FAM53A: variants seen among roughly 807,000 people sequenced by gnomAD.
The protein encoded by FAM53A is family with sequence similarity 53 member A.
FAM53A carries 28 observed loss-of-function variants against 26.6 expected under a neutral mutation model. The observed-to-expected ratio is 1.05, with a 90% CI of 0.78 to 1.45. The LOEUF (loss-of-function observed/expected upper bound fraction) is 1.45. FAM53A is among the 40% of genes most tolerant of loss of function. The pLI, the probability that FAM53A is intolerant of heterozygous loss-of-function variation, is 0.00. For missense variants in FAM53A, 650 were observed against 575.8 expected (o/e 1.13, Z -1.32); for synonymous variants, 290 against 253.1 (o/e 1.15, Z -1.38).
the FAM53A span, among the ~76,000 whole-genome samples, chr4:1,605,672 G>A: frequency 1.3e-5 from 2 of 152,086 alleles, no homozygotes; most frequent in Non-Finnish European, 1.5e-5. This position sits in a 1 kb window ranked among gnomAD's most constrained non-coding sequence, Gnocchi z 5.7. Flanking sequence ...GCTCCCTGCC[G>A]ACCCTGCAGG....
intron 1 of FAM53A, among the ~76,000 whole-genome samples, chr4:1,633,605 A>C (rs964770788): frequency 3.3e-5 from 5 of 152,168 alleles, no homozygotes; most frequent in African/African-American, 1.2e-4. Context: ...AATTGGAAAC[A>C]AGAAGAATGG....
intron 1 of FAM53A, among the ~76,000 whole-genome samples, chr4:1,620,015 C>T (rs188592207): frequency 6.6e-6 from 1 of 151,678 alleles, no homozygotes; most frequent in East Asian, 1.9e-4. Flanking sequence ...CGAGACCAGC[C>T]TGGCCAATAT....
chr4:1,670,649 A>G (rs140365639), intron 1 of FAM53A, among the ~76,000 whole-genome samples: 1,589 of 152,158 alleles, frequency 0.01, 31 homozygotes, highest in African/African-American at 0.036. Context: ...TCCAGCCCAC[A>G]GCCAAGAACC....
chr4:1,682,667 G>A (rs1577166208), intron 1 of FAM53A, among the ~76,000 whole-genome samples: 1 of 151,774 alleles, frequency 6.6e-6, no homozygotes, highest in Non-Finnish European at 1.5e-5. Context: ...GTACTCTCTC[G>A]GATTAGAGCC....
At chr4:1,580,374 A>C in the FAM53A span, 7,373 of 152,292 alleles carry the variant, frequency 0.048, 565 homozygotes, top group African/African-American at 0.17. Context: ...CCCGCGGGCC[A>C]CCAGTGTGGC....
In FAM53A at chr4:1,655,193, A is replaced by C. The variant is rs751109398; in HGVS notation, c.667T>G (p.Ser223Ala). 1.9e-6 allele frequency: 3 copies of C among 1,563,088 alleles called. No individual in the cohort carries two copies. The highest frequency in any genetic ancestry group is 2.3e-5 in the South Asian group (2 of 85,884). Residue 223 changes from serine (S) to alanine (A), a missense_variant, in exon 4 of 5, where the codon TCC becomes GCC. Ser to Ala is a moderately conservative substitution (Grantham distance 99). Coordinates refer to ENST00000308132, the MANE Select transcript of FAM53A (RefSeq NM_001174070.3). Reference protein sequence around the residue: ...SCLPSTRRRPSLSQERLAGAG... With the variant: ...SCLPSTRRRPALSQERLAGAG... The stretch of plus-strand genomic sequence containing the variant: ...CCCGCGAGTCGCTCCTGTGAGAGGG[A>C]CGGGCGGCGCCTCGTGGAGGGCAAG...
At chr4:1,616,751 T>C (rs1444647803), downstream of FAM53A, among the ~76,000 whole-genome samples, 1 of 152,238 alleles carries the variant, frequency 6.6e-6, no homozygotes, top group African/African-American at 2.4e-5. Flanking sequence ...CTTCGGTCTG[T>C]CCCGCGGAGA....
chr4:1,670,379 C>G (rs1057412617), intron 1 of FAM53A, among the ~76,000 whole-genome samples: 4 of 152,252 alleles, frequency 2.6e-5, no homozygotes, highest in Admixed American at 2.0e-4. Flanking sequence ...GCGACGCGCA[C>G]AGTGGGCCAC....
In FAM53A at chr4:1,644,453, G is replaced by A. The variant is rs143431160; in HGVS notation, c.883-2846C>T. Reference sequence around the variant, plus strand: ...GCTGTACAGCTCAGCGCCCAACAGCGCTAGCGAAGGCCACACGGAACTGAA... The same window carrying A: ...GCTGTACAGCTCAGCGCCCAACAGCACTAGCGAAGGCCACACGGAACTGAA... On this transcript the variant is annotated intron_variant, in intron 4 of 4. Coordinates refer to ENST00000308132, the MANE Select transcript of FAM53A (RefSeq NM_001174070.3). 2.4e-3 allele frequency: 3,248 copies of A among 1,343,498 alleles called. 54 individuals are homozygous for A. In the African/African-American group the frequency reaches 0.04, roughly 16 times the overall value. The allele number at this position is 1,343,498 out of a possible 1,614,324, so 83.2% of individuals were successfully genotyped here.
chr4:1,632,733 C>T (rs541718422), intron 1 of FAM53A, among the ~76,000 whole-genome samples: 1 of 152,374 alleles, frequency 6.6e-6, no homozygotes, highest in Admixed American at 6.5e-5. Context: ...CCTGTGTATA[C>T]ACACCACGCA....
the FAM53A span, among the ~76,000 whole-genome samples, chr4:1,575,826 A>C: frequency 6.6e-6 from 1 of 152,010 alleles, no homozygotes; most frequent in African/African-American, 2.4e-5. Context: ...GAGGCCTGAT[A>C]AGGGGTGGGA....
rs748474304 is a variant in FAM53A at position 1,668,564 on chromosome 4, G to T, written c.75+103C>A. On this transcript the variant is annotated intron_variant, in intron 2 of 4. Coordinates refer to ENST00000308132, the MANE Select transcript of FAM53A (RefSeq NM_001174070.3). The stretch of plus-strand genomic sequence containing the variant: ...TCCCTGGCCCAGCAGGGCCCCCCAG[G>T]CCCCTGAGAACTTAGCCCTCACCTC... The T allele has an allele frequency of 1.3e-5, 17 of 1,350,172 alleles. No homozygotes were observed. In the East Asian group the frequency reaches 1.6e-4, roughly 13 times the overall value. The allele number at this position is 1,350,172 out of a possible 1,614,324, so 83.6% of individuals were successfully genotyped here.
intron 2 of FAM53A, among the ~76,000 whole-genome samples, chr4:1,667,326 G>A (rs113595823): frequency 0.019 from 2,834 of 152,144 alleles, 43 homozygotes; most frequent in Admixed American, 0.04. Flanking sequence ...AATGAGAACC[G>A]GCCACAGCAT....
the FAM53A span, among the ~76,000 whole-genome samples, chr4:1,580,422 C>A: frequency 1.1e-4 from 17 of 152,192 alleles, no homozygotes; most frequent in African/African-American, 4.1e-4. Flanking sequence ...CAGCTCAGAG[C>A]TGAGATCTAA....
chr4:1,641,351 T>C lies in FAM53A; in HGVS notation c.1139A>G (p.Glu380Gly), dbSNP rs1409597881. ...CCAGCGGGCCCGGGGGAAGACGCCCTCCTCCCCGACACTGTCCCCATCACG... is the reference window on the plus strand; with the variant it reads ...CCAGCGGGCCCGGGGGAAGACGCCCCCCTCCCCGACACTGTCCCCATCACG... ...DPRDGDSVGE[E>G]GVFPRARWEL... is the part of the protein sequence containing the mutation. The change falls in exon 5 of 5, where the codon GAG (glutamate) becomes GGG (glycine). Residue 380 changes from glutamate to glycine, a missense_variant. Glu to Gly is a moderately conservative substitution (Grantham distance 98, BLOSUM62 -2). Transcript: ENST00000308132. The C allele has an allele frequency of 6.2e-7, 1 of 1,610,768 alleles. No homozygotes were observed. The highest frequency in any genetic ancestry group is 8.5e-7 in the Non-Finnish European group (1 of 1,179,194).
rs1711551111 is a variant in FAM53A at position 1,640,265 on chromosome 4, T to C, written c.*1028A>G. On this transcript the variant is annotated 3_prime_UTR_variant, in exon 5 of 5. Transcript: ENST00000308132. Reference sequence around the variant, plus strand: ...AAACCAGGCGGCCACAAGCTGGCGGTTCACTGGCACGTGGGTGACAAGGTT... The same window carrying C: ...AAACCAGGCGGCCACAAGCTGGCGGCTCACTGGCACGTGGGTGACAAGGTT... 2 of 174,344 alleles carry C rather than the reference T, an allele frequency of 1.1e-5. No individual in the cohort carries two copies. The highest frequency in any genetic ancestry group is 1.3e-4 in the Admixed American group (2 of 15,368). 10.8% of individuals were successfully genotyped at this position (174,344 alleles called of 1,614,324 possible).
At chr4:1,581,691 GT>G in the FAM53A span, among the ~76,000 whole-genome samples, 1 of 152,216 alleles carries the variant, frequency 6.6e-6, no homozygotes, top group South Asian at 2.1e-4. Flanking sequence ...CTGCCTCTGG[GT>G]TCAAGCAATT....
the FAM53A span, among the ~76,000 whole-genome samples, chr4:1,583,459 T>C: frequency 1.3e-5 from 2 of 152,220 alleles, no homozygotes; most frequent in Admixed American, 1.3e-4. Context: ...TTCCCTGTGC[T>C]TGATCTGTGC....
At chr4:1,599,948 T>G in the FAM53A span, among the ~76,000 whole-genome samples, 1 of 129,540 alleles carries the variant, frequency 7.7e-6, no homozygotes, top group Non-Finnish European at 1.7e-5. This position sits in a 1 kb window ranked among gnomAD's most constrained non-coding sequence, Gnocchi z 6.1. Context: ...CTCCTCCCCC[T>G]CCTCCTCTCC....
Sources: allele counts gnomAD v4.1 joint callset (sites outside exome capture counted in the v4.1 genomes callset), GRCh38; gene constraint gnomAD v4.1.1; non-coding constraint Gnocchi (gnomAD v3.1); transcripts MANE v1.5; gene names NCBI Gene and HGNC (gene_info 2026-07-23, HGNC 2026-07-21).